Variants in SRCAP observed in about 807,000 individuals in gnomAD.
SRCAP encodes Snf2 related CREBBP activator protein.
In SRCAP, 46 loss-of-function variants were observed where a neutral mutation model predicts 263.1. That is an observed-to-expected ratio of 0.17 (90% CI 0.14 to 0.22). SRCAP has a LOEUF of 0.22. Among genes scored for constraint, SRCAP ranks in the 10% least tolerant of loss-of-function variants. The pLI, the probability that SRCAP is intolerant of heterozygous loss-of-function variation, is 1.00. For missense variants in SRCAP, 3,695 were observed against 4,181.9 expected (o/e 0.88, Z 3.21); for synonymous variants, 1,813 against 1,662.1 (o/e 1.09, Z -2.21).
At chr16:30,722,094 T>C in intron 21 of SRCAP, 28 bp from the exon 22 acceptor site, 3 of 1,603,460 alleles carry the variant, frequency 1.9e-6, no homozygotes, top group Non-Finnish European at 2.6e-6. Context: ...ATGAGCCTTG[T>C]GTACAATAAG....
chr16:30,725,385 T>A, intron 25 of SRCAP: 1 of 347,974 alleles, frequency 2.9e-6, no homozygotes. Flanking sequence ...TCTCTGTCCC[T>A]TTTATGATTT....
chr16:30,739,234 G>A lies in SRCAP; in HGVS notation c.9194G>A (p.Arg3065His), dbSNP rs765624098. Residue 3065 changes from arginine to histidine, a missense_variant, in exon 34 of 34, where the codon CGC becomes CAC. Around this residue, in one of 12 missense-constraint regions of SRCAP, gnomAD observed 1,207 missense variants for 1,142.9 expected, o/e 1.06. Transcript: ENST00000262518. ...SDEDGSRPLT[R>H]LARLRLEAEG... Reference sequence around the variant, plus strand: ...GAGGATGGAAGCCGCCCCCTCACCCGCCTGGCCCGCCTTCGGCTTGAAGCA... The same window carrying A: ...GAGGATGGAAGCCGCCCCCTCACCCACCTGGCCCGCCTTCGGCTTGAAGCA... The A allele has an allele frequency of 3.1e-6, 5 of 1,613,306 alleles. No homozygotes were observed. Among genetic ancestry groups the A allele is most frequent in the Non-Finnish European group, 3.4e-6 (4 of 1,179,986 alleles).
rs983623495 is a variant in SRCAP, at chr16:30,739,941, G to A, written c.*208G>A. 1.2e-5 allele frequency: 9 copies of A among 757,422 alleles called. No individual in the cohort carries two copies. The Middle Eastern group carries it at 1.2e-3, about 103-fold the overall frequency. The allele number at this position is 757,422 out of a possible 1,614,324, so 46.9% of individuals were successfully genotyped here. ...ACAGTCCCCTTCCCCTTCACCCCAC[G>A]TGGCTGGGCAGTGTTAAGGGTGGCA... On this transcript the variant is annotated 3_prime_UTR_variant, in exon 34 of 34. Coordinates refer to ENST00000262518, the MANE Select transcript of SRCAP (RefSeq NM_006662.3).
In SRCAP at chr16:30,724,212, A is replaced by G. The variant is rs1042802965; in HGVS notation, c.4788A>G (p.Ala1596=). The change falls in exon 25 of 34, where the codon GCA becomes GCG. Residue 1596 remains alanine, a synonymous_variant. Coordinates refer to ENST00000262518, the MANE Select transcript of SRCAP (RefSeq NM_006662.3). The part of the protein sequence containing the change: ...PLAPMAAPQT[A]ILAPSPAPPL... ...CTCCTATGGCGGCTCCACAGACAGC[A>G]ATTCTGGCTCCTTCTCCAGCTCCTC... 6.2e-7 allele frequency: 1 copy of G among 1,613,578 alleles called. No individual in the cohort carries two copies. Among genetic ancestry groups the G allele is most frequent in the Non-Finnish European group, 8.5e-7 (1 of 1,179,866 alleles).
intron 3 of SRCAP, among the ~76,000 whole-genome samples, chr16:30,703,159 A>G (rs750369373): frequency 1.3e-4 from 20 of 151,254 alleles, no homozygotes; most frequent in Non-Finnish European, 2.4e-4. Flanking sequence ...CTATATATAT[A>G]TATATATATG....
At position 30,723,589 on chromosome 16, in the gene SRCAP, G is replaced by T. The variant is rs1361360571; in HGVS notation, c.4165G>T (p.Ala1389Ser). 1 of 1,611,736 alleles carries T rather than the reference G, an allele frequency of 6.2e-7. No homozygotes were observed. Among genetic ancestry groups the T allele is most frequent in the Non-Finnish European group, 8.5e-7 (1 of 1,178,746 alleles). Reference protein sequence around the residue: ...HSPSPEVSASAPGAAPLTISS... With the variant: ...HSPSPEVSASSPGAAPLTISS... ...CTCATCCTCTCTCTCCACAGCTTCA[G>T]CCCCCGGAGCTGCCCCCTTGACCAT... Residue 1389 changes from alanine to serine, a missense_variant, in exon 25 of 34, where the codon GCC becomes TCC. Physicochemically the swap from Ala to Ser is moderately conservative, Grantham distance 99. This residue lies in a region of SRCAP where 1,347 missense variants were observed against 1,304.4 expected (regional missense o/e 1.03). Coordinates refer to ENST00000262518, the MANE Select transcript of SRCAP (RefSeq NM_006662.3).
chr16:30,718,429 G>C (rs1272978469), intron 18 of SRCAP, among the ~76,000 whole-genome samples: 1 of 151,594 alleles, frequency 6.6e-6, no homozygotes, highest in African/African-American at 2.4e-5. Flanking sequence ...TGTCCACCTC[G>C]GCCTCCCAAA....
chr16:30,700,719 C>A lies in SRCAP; in HGVS notation c.-106C>A. On this transcript the variant is annotated 5_prime_UTR_variant, in exon 3 of 34. Coordinates refer to ENST00000262518, the MANE Select transcript of SRCAP (RefSeq NM_006662.3). ...GGCCGGTGGCCCAGAATGAGGCCAGCTCCCAGCATGCCCTGCAGCCGGACG... is the reference window on the plus strand; with the variant it reads ...GGCCGGTGGCCCAGAATGAGGCCAGATCCCAGCATGCCCTGCAGCCGGACG... The A allele has an allele frequency of 8.6e-7, 1 of 1,163,004 alleles. No individual in the cohort carries two copies. Among genetic ancestry groups the A allele is most frequent in the Non-Finnish European group, 1.2e-6 (1 of 806,778 alleles). The allele number at this position is 1,163,004 out of a possible 1,614,324, so 72.0% of individuals were successfully genotyped here. A position where few individuals can be genotyped will look rare whatever the true frequency, so the allele number is the denominator to read the frequency against.
At position 30,738,147 on chromosome 16, in the gene SRCAP, A is replaced by G. The variant is rs1567254086; in HGVS notation, c.8107A>G (p.Thr2703Ala). The part of the protein sequence containing the change: ...LVTAEVAAPS[T>A]SSSATSSPEG... ...TACAGCTGAGGTTGCAGCTCCATCC[A>G]CCTCATCTTCAGCCACTTCCTCGCC... is the stretch of plus-strand genomic sequence containing the variant. The change falls in exon 34 of 34, where the codon ACC becomes GCC. Residue 2703 changes from threonine (T) to alanine (A), a missense_variant. Coordinates refer to ENST00000262518, the MANE Select transcript of SRCAP (RefSeq NM_006662.3). 1 of 1,613,956 alleles carries G rather than the reference A, an allele frequency of 6.2e-7. No homozygotes were observed. The highest frequency in any genetic ancestry group is 8.5e-7 in the Non-Finnish European group (1 of 1,179,994).
At chr16:30,700,452 A>T (rs1475553792) in intron 2 of SRCAP, among the ~76,000 whole-genome samples, 164 bp from the exon 3 acceptor site, 1 of 152,258 alleles carries the variant, frequency 6.6e-6, no homozygotes, top group Non-Finnish European at 1.5e-5. Flanking sequence ...AGAACACATC[A>T]AACAGGTACT....
chr16:30,707,445 CAGA>C, intron 5 of SRCAP, 77 bp downstream of exon 5: 1 of 1,602,080 alleles, frequency 6.2e-7, no homozygotes, highest in Non-Finnish European at 8.5e-7. Context: ...GGGGACCAGA[CAGA>C]ATGGTGTAGG....
Position 30,712,259 on chromosome 16 carries a change from C to T in SRCAP, c.1816-3C>T, listed in dbSNP as rs2052900203. On this transcript the variant is annotated splice_region_variant and splice_polypyrimidine_tract_variant and intron_variant, in intron 12 of 33. Coordinates refer to ENST00000262518, the MANE Select transcript of SRCAP (RefSeq NM_006662.3). ...TGTGTTACCTATATTTCCTCTCTGA[C>T]AGGTAAAGACGCCCATTCCCCTGCT... is the stretch of plus-strand genomic sequence containing the variant. 1 of 1,591,990 alleles carries T rather than the reference C, an allele frequency of 6.3e-7. No homozygotes were observed.
chr16:30,737,164 G>C lies in SRCAP; in HGVS notation c.7124G>C (p.Gly2375Ala). Residue 2375 changes from glycine to alanine, a missense_variant, in exon 34 of 34, where the codon GGT becomes GCT. Gly to Ala is a moderately conservative substitution (Grantham distance 60). Around this residue, in one of 12 missense-constraint regions of SRCAP, gnomAD observed 1,207 missense variants for 1,142.9 expected, o/e 1.06. Coordinates refer to ENST00000262518, the MANE Select transcript of SRCAP (RefSeq NM_006662.3). Reference protein sequence around the residue: ...GAGDESSCGTGGGTHRRSKKA... With the variant: ...GAGDESSCGTAGGTHRRSKKA... ...GGGGATGAGAGTTCCTGTGGGACTGGTGGAGGCACCCACCGGCGCAGTAAA... is the reference window on the plus strand; with the variant it reads ...GGGGATGAGAGTTCCTGTGGGACTGCTGGAGGCACCCACCGGCGCAGTAAA... 6.2e-7 allele frequency: 1 copy of C among 1,614,094 alleles called. No individual in the cohort carries two copies. The highest frequency in any genetic ancestry group is 8.5e-7 in the Non-Finnish European group (1 of 1,180,012).
intron 16 of SRCAP, 139 bp downstream of exon 16, chr16:30,713,850 G>T: frequency 1.4e-6 from 1 of 726,186 alleles, no homozygotes; most frequent in South Asian, 1.8e-5. Flanking sequence ...CAGTGTTCTA[G>T]TGACTAACCC....
intron 13 of SRCAP, 38 bp downstream of exon 13, chr16:30,712,477 C>T: frequency 1.3e-6 from 2 of 1,540,646 alleles, no homozygotes; most frequent in African/African-American, 1.4e-5. Context: ...TCCCCCTAGT[C>T]TAGCTCCCTG....
In SRCAP at chr16:30,739,808, A is replaced by G. The variant is rs2053207239; in HGVS notation, c.*75A>G. ...ACCAGGCCTGACTCTGTTAACCACT[A>G]CTTGAAGTCTTGAGGGGGAAAGCCT... On this transcript the variant is annotated 3_prime_UTR_variant, in exon 34 of 34. Transcript: ENST00000262518. 1 of 1,425,774 alleles carries G rather than the reference A, an allele frequency of 7.0e-7. No individual in the cohort carries two copies. The highest frequency in any genetic ancestry group is 9.2e-7 in the Non-Finnish European group (1 of 1,086,848). The allele number at this position is 1,425,774 out of a possible 1,614,324, so 88.3% of individuals were successfully genotyped here. A position where few individuals can be genotyped will look rare whatever the true frequency, so the allele number is the denominator to read the frequency against.
intron 3 of SRCAP, among the ~76,000 whole-genome samples, chr16:30,703,550 T>G (rs1272425191): frequency 2.0e-5 from 3 of 151,900 alleles, no homozygotes; most frequent in Non-Finnish European, 4.4e-5. Context: ...ACATAATTCT[T>G]GCATGTCAAG....
At chr16:30,725,313 G>A (rs892884787) in intron 25 of SRCAP, 23 of 804,340 alleles carry the variant, frequency 2.9e-5, no homozygotes, top group South Asian at 4.8e-5. Context: ...GAGCCACCAC[G>A]CCCGGCCTCT....
At chr16:30,729,604 C>T in intron 27 of SRCAP, 32 bp downstream of exon 27, 4 of 1,609,874 alleles carry the variant, frequency 2.5e-6, no homozygotes, top group Non-Finnish European at 3.4e-6. Context: ...GGACCCTTGA[C>T]TTCTCTTCTT....
Sources: gnomAD v4.1 joint callset for allele counts (sites outside exome capture counted in the v4.1 genomes callset) on GRCh38, gnomAD v4.1.1 for gene constraint, gnomAD v4.1.1 regional missense constraint, MANE v1.5 for transcripts, NCBI Gene and HGNC (gene_info 2026-07-23, HGNC 2026-07-21) for gene names.